IRX2: variants seen among roughly 807,000 people sequenced by gnomAD.
IRX2 encodes the protein iroquois-class homeodomain protein IRX-2.
In IRX2, 26 loss-of-function variants were observed where a neutral mutation model predicts 42.9. That is an observed-to-expected ratio of 0.61 (90% CI 0.44 to 0.84). The LOEUF is 0.84. Ranked by LOEUF, IRX2 falls within the 40% of genes least tolerant of loss-of-function variation. The pLI is 0.00. For synonymous variants in IRX2, 424 were observed against 353.9 expected (o/e 1.20, Z -2.22); for missense variants, 782 against 713.9 (o/e 1.10, Z -1.09).
Position 2,751,361 on chromosome 5 carries a change from T to C in IRX2, c.53A>G (p.Tyr18Cys). The C allele has an allele frequency of 1.4e-6, 2 of 1,432,390 alleles. No individual in the cohort carries two copies. The highest frequency in any genetic ancestry group is 1.8e-6 in the Non-Finnish European group (2 of 1,093,352). The allele number at this position is 1,432,390 out of a possible 1,614,324, so 88.7% of individuals were successfully genotyped here. The change falls in exon 1 of 4, where the codon TAC (tyrosine) becomes TGC (cysteine). Residue 18 changes from tyrosine to cysteine, a missense_variant. Tyr to Cys is a radical substitution (Grantham distance 194, BLOSUM62 -2). Transcript: ENST00000302057. This position sits in a 1 kb window ranked among gnomAD's most constrained non-coding sequence, Gnocchi z 4.0. ...CGACGCGCCGTAGGCCGGGCACGAGTAGAGCGCCAGCGAGCCGGGCGCCTG... is the reference window on the plus strand; with the variant it reads ...CGACGCGCCGTAGGCCGGGCACGAGCAGAGCGCCAGCGAGCCGGGCGCCTG... Reference protein sequence around the residue: ...LYQAPGSLALYSCPAYGASAL... With the variant: ...LYQAPGSLALCSCPAYGASAL...
chr5:2,744,008 T>A (rs1032781249), downstream of IRX2, among the ~76,000 whole-genome samples: 1 of 152,142 alleles, frequency 6.6e-6, no homozygotes, highest in African/African-American at 2.4e-5. Flanking sequence ...TAGCCTTGGC[T>A]AATCTCCTGA....
At chr5:2,744,970 C>A (rs1004057553), downstream of IRX2, among the ~76,000 whole-genome samples, 2 of 152,196 alleles carry the variant, frequency 1.3e-5, no homozygotes, top group Non-Finnish European at 2.9e-5. Flanking sequence ...TCTAACAAGA[C>A]CCCAGCAAGA....
chr5:2,749,270 G>T, intron 2 of IRX2, 112 bp downstream of exon 2: 1 of 1,466,884 alleles, frequency 6.8e-7, no homozygotes, highest in Non-Finnish European at 9.0e-7. Context: ...TGCGGCTGGG[G>T]CTCCGGCCCG....
chr5:2,743,199 C>T (rs1737579951), downstream of IRX2, among the ~76,000 whole-genome samples: 1 of 152,314 alleles, frequency 6.6e-6, no homozygotes, highest in South Asian at 2.1e-4. Flanking sequence ...CCTCTAGGCC[C>T]CAGCACCCAG....
chr5:2,748,012 A>T (rs1037634666), intron 3 of IRX2, among the ~76,000 whole-genome samples: 6 of 152,220 alleles, frequency 3.9e-5, no homozygotes, highest in Admixed American at 3.9e-4. Flanking sequence ...CCTTAACAAG[A>T]CACCGAAACA....
downstream of IRX2, among the ~76,000 whole-genome samples, chr5:2,743,127 C>G (rs1175126557): frequency 6.6e-6 from 1 of 152,136 alleles, no homozygotes; most frequent in Non-Finnish European, 1.5e-5. Context: ...GGCGGCCCGG[C>G]GAGGGGGTTC....
At chr5:2,736,377 GAATTAAAA>G in the IRX2 span, among the ~76,000 whole-genome samples, 5 of 152,124 alleles carry the variant, frequency 3.3e-5, no homozygotes, top group Non-Finnish European at 7.3e-5. Context: ...TAAATTTTTA[GAATTAAAA>G]CAATTCAGCT....
chr5:2,749,254 A>C, intron 2 of IRX2, 128 bp downstream of exon 2: 1 of 1,447,558 alleles, frequency 6.9e-7, no homozygotes, highest in South Asian at 1.4e-5. Context: ...CCCCAGGGCA[A>C]TGTGGTGCGG....
Position 2,749,734 on chromosome 5 carries a change from G to C in IRX2, c.303C>G (p.His101Gln), listed in dbSNP as rs771472339. 1.1e-5 allele frequency: 17 copies of C among 1,613,404 alleles called. No homozygotes were observed. The highest frequency in any genetic ancestry group is 1.4e-5 in the Non-Finnish European group (17 of 1,179,684). ...ACGGGTAGGCCGCGCTGCCGTACGG[G>C]TGGTAGCTGATGGCGCCGGTCATGC... ...TTGMTGAISY[H>Q]PYGSAAYPYQ... Residue 101 changes from histidine to glutamine, a missense_variant, in exon 2 of 4, where the codon CAC becomes CAG. This residue lies in a region of IRX2 where 256 missense variants were observed against 250.0 expected (regional missense o/e 1.02). Transcript: ENST00000302057.
At chr5:2,750,931 C>T (rs982007570) in intron 1 of IRX2, among the ~76,000 whole-genome samples, 10 of 151,930 alleles carry the variant, frequency 6.6e-5, no homozygotes, top group African/African-American at 2.4e-4. Context: ...AGGGGACGCG[C>T]GGGGGGCGCG....
chr5:2,740,918 C>T (rs1384348987), downstream of IRX2, among the ~76,000 whole-genome samples: 3 of 152,108 alleles, frequency 2.0e-5, no homozygotes, highest in African/African-American at 7.2e-5. Flanking sequence ...ACTGAGCACC[C>T]GGCCGGCAGC....
intron 3 of IRX2, 123 bp downstream of exon 3, chr5:2,748,222 G>C: frequency 1.0e-5 from 9 of 861,394 alleles, no homozygotes; most frequent in Non-Finnish European, 1.4e-5. Flanking sequence ...TGCTAATTCT[G>C]GGTCCCAGGA....
chr5:2,749,497 C>A lies in IRX2; in HGVS notation c.540G>T (p.Trp180Cys), dbSNP rs1204240044. Residue 180 changes from tryptophan to cysteine, a missense_variant, in exon 2 of 4, where the codon TGG becomes TGT. Coordinates refer to ENST00000302057, the MANE Select transcript of IRX2 (RefSeq NM_033267.5). The stretch of plus-strand genomic sequence containing the variant: ...CATCTTCGCTTTTGTTTCTCGGGGC[C>A]CAGGTCATCTTGTTCTCCTTCTTGA... Reference protein sequence around the residue: ...RRLKKENKMTWAPRNKSEDED... With the variant: ...RRLKKENKMTCAPRNKSEDED... The A allele has an allele frequency of 2.5e-6, 4 of 1,614,076 alleles. No individual in the cohort carries two copies. In the African/African-American group the frequency reaches 4.0e-5, roughly 16 times the overall value.
downstream of IRX2, chr5:2,746,002 C>T (rs977071354): frequency 1.4e-5 from 2 of 145,492 alleles, no homozygotes; most frequent in African/African-American, 5.0e-5. Context: ...ATATACTTCT[C>T]TTCCATCTGC....
chr5:2,749,719 C>A lies in IRX2; in HGVS notation c.318G>T (p.Ala106=), dbSNP rs375920244. The part of the protein sequence containing the change: ...GAISYHPYGS[A]AYPYQLNDPA... ...GGTCGTTGAGCTGGTACGGGTAGGC[C>A]GCGCTGCCGTACGGGTGGTAGCTGA... is the stretch of plus-strand genomic sequence containing the variant. Residue 106 remains alanine (A), a synonymous_variant, in exon 2 of 4, where the codon GCG becomes GCT. Coordinates refer to ENST00000302057, the MANE Select transcript of IRX2 (RefSeq NM_033267.5). The A allele has an allele frequency of 6.2e-7, 1 of 1,613,882 alleles. No homozygotes were observed. The highest frequency in any genetic ancestry group is 8.5e-7 in the Non-Finnish European group (1 of 1,179,946).
the IRX2 span, among the ~76,000 whole-genome samples, chr5:2,738,329 T>C: frequency 6.6e-6 from 1 of 152,226 alleles, no homozygotes; most frequent in Admixed American, 6.5e-5. Context: ...GGGCCCATTA[T>C]CATGAAGGGC....
chr5:2,748,911 T>C lies in IRX2; in HGVS notation c.797A>G (p.Asp266Gly). ...CKDKYDDLED[D>G]EDDDEEGERG... ...CTCGCCCTCCTCGTCGTCGTCCTCGTCGTCCTCCAGGTCGTCATACTTGTC... is the reference window on the plus strand; with the variant it reads ...CTCGCCCTCCTCGTCGTCGTCCTCGCCGTCCTCCAGGTCGTCATACTTGTC... The change falls in exon 3 of 4, where the codon GAC becomes GGC. Residue 266 changes from aspartate (D) to glycine (G), a missense_variant. By Grantham distance (94) the Asp-to-Gly change is moderately conservative (BLOSUM62 -1). Around this residue, in one of 3 missense-constraint regions of IRX2, gnomAD observed 520 missense variants for 437.8 expected, o/e 1.19. Transcript: ENST00000302057. The C allele has an allele frequency of 8.8e-6, 14 of 1,596,516 alleles. No homozygotes were observed. The highest frequency in any genetic ancestry group is 1.1e-5 in the Non-Finnish European group (13 of 1,179,336).
chr5:2,750,182 TTA>T lies in IRX2; in HGVS notation c.250-397_250-396del, dbSNP rs1737886683. Among the ~76,000 whole-genome samples, 7 of 152,090 alleles carry T rather than the reference TTA, an allele frequency of 4.6e-5. No homozygotes were observed. The South Asian group carries it at 1.5e-3, about 32-fold the overall frequency. On this transcript the variant is annotated intron_variant, in intron 1 of 3. Transcript: ENST00000302057. ...TCCCCCTACTCCCTCTTCCCCTCCC[TTA>T]TATGGTTAAAAAAACACCCCAGAGC...
In IRX2 at chr5:2,748,486, G is replaced by A. The variant is rs758858412; in HGVS notation, c.1222C>T (p.Leu408=). 1.9e-6 allele frequency: 3 copies of A among 1,580,002 alleles called. No individual in the cohort carries two copies. The highest frequency in any genetic ancestry group is 1.9e-4 in the Middle Eastern group (1 of 5,324). ...GCCGCGGCCGCAGAGTTGTACCGCA[G>A]GAGACCCTGGCCCTGCAGCGCCGCG... ...LNAALQGQGL[L]RYNSAAAAPG... is the part of the protein sequence containing the mutation. The change falls in exon 3 of 4, where the codon CTG becomes TTG. Residue 408 remains leucine (L), a synonymous_variant. Transcript: ENST00000302057.
Sources: allele counts gnomAD v4.1 joint callset (sites outside exome capture counted in the v4.1 genomes callset), GRCh38; gene constraint gnomAD v4.1.1; regional missense constraint gnomAD v4.1.1; non-coding constraint Gnocchi (gnomAD v3.1); transcripts MANE v1.5; gene names NCBI Gene and HGNC (gene_info 2026-07-23, HGNC 2026-07-21).